RBFOX1: variants seen among roughly 807,000 people sequenced by gnomAD.
RBFOX1 encodes RNA binding protein fox-1 homolog 1.
Under a neutral mutation model 57.7 loss-of-function variants are expected in RBFOX1, and 8 were observed. The observed-to-expected ratio is 0.14, with a 90% CI of 0.08 to 0.25. RBFOX1 has a LOEUF of 0.25. Ranked by LOEUF, RBFOX1 falls within the 10% of genes least tolerant of loss-of-function variation. The pLI is 1.00. For missense variants in RBFOX1, 611 were observed against 548.5 expected, an observed-to-expected ratio of 1.11 and a Z score of -1.14; for synonymous variants, 326 against 222.4, an observed-to-expected ratio of 1.47 and a Z score of -4.15.
At chr16:6,608,840 C>G (rs975613148) in intron 2 of RBFOX1, among the ~76,000 whole-genome samples, 1 of 152,252 alleles carries the variant, frequency 6.6e-6, no homozygotes, top group Non-Finnish European at 1.5e-5. Flanking sequence ...GTGTGTCTCA[C>G]TGGACTAAAA....
At chr16:5,867,150 ATGTGTGTG>A (rs113977862) in intron 3 of RBFOX1, among the ~76,000 whole-genome samples, 18 of 149,212 alleles carry the variant, frequency 1.2e-4, no homozygotes, top group Admixed American at 6.7e-5. Flanking sequence ...AAGAAAATGC[ATGTGTGTG>A]TGTGTGTGTG....
intron 4 of RBFOX1, among the ~76,000 whole-genome samples, chr16:5,904,857 G>A (rs1312401437): frequency 6.6e-6 from 1 of 150,784 alleles, no homozygotes; most frequent in Non-Finnish European, 1.5e-5. Context: ...GGCGCCTGTA[G>A]TCCCAGCTAC....
intron 4 of RBFOX1, among the ~76,000 whole-genome samples, chr16:7,460,322 T>TGGTATTTC (rs1252161165): frequency 6.8e-6 from 1 of 147,794 alleles, no homozygotes; most frequent in Non-Finnish European, 1.5e-5. Context: ...CACAGACTTC[T>TGGTATTTC]GGTATTTCAT....
At chr16:5,906,159 AG>A (rs2058449979) in intron 4 of RBFOX1, among the ~76,000 whole-genome samples, 1 of 152,144 alleles carries the variant, frequency 6.6e-6, no homozygotes, top group Non-Finnish European at 1.5e-5. Context: ...TGCCTCCCCC[AG>A]ACTGGTGAAG....
intron 4 of RBFOX1, among the ~76,000 whole-genome samples, chr16:5,988,841 G>A (rs1173547902): frequency 1.3e-5 from 2 of 152,060 alleles, no homozygotes; most frequent in East Asian, 3.9e-4. Flanking sequence ...CCAAGACTCA[G>A]AGAGTATGAA....
chr16:7,033,381 G>A (rs1322614656), intron 3 of RBFOX1, among the ~76,000 whole-genome samples: 3 of 152,156 alleles, frequency 2.0e-5, no homozygotes, highest in Non-Finnish European at 4.4e-5. Flanking sequence ...TTAGCCAGAT[G>A]TGATGGCACA....
At chr16:6,153,822 C>T (rs1311201257) in intron 1 of RBFOX1, among the ~76,000 whole-genome samples, 4 of 152,200 alleles carry the variant, frequency 2.6e-5, no homozygotes, top group African/African-American at 7.2e-5. Context: ...AGGTGTGAGC[C>T]ACCATGCCCG....
At chr16:7,036,434 G>A (rs2044449294) in intron 3 of RBFOX1, among the ~76,000 whole-genome samples, 1 of 151,930 alleles carries the variant, frequency 6.6e-6, no homozygotes, top group African/African-American at 2.4e-5. Context: ...AGGGCGGCCG[G>A]GCGTGGTGGC....
chr16:6,895,564 G>A (rs1466027372), intron 3 of RBFOX1, among the ~76,000 whole-genome samples: 1 of 149,506 alleles, frequency 6.7e-6, no homozygotes, highest in African/African-American at 2.5e-5. Flanking sequence ...TTGATGAGAG[G>A]AAGGATCTAT....
intron 1 of RBFOX1, among the ~76,000 whole-genome samples, chr16:6,173,246 A>T (rs1279354710): frequency 6.6e-6 from 1 of 152,154 alleles, no homozygotes; most frequent in Non-Finnish European, 1.5e-5. Flanking sequence ...TGTTCTGTGT[A>T]CTATGACTGC....
intron 4 of RBFOX1, among the ~76,000 whole-genome samples, chr16:7,302,100 C>G (rs927829641): frequency 6.6e-6 from 1 of 152,068 alleles, no homozygotes; most frequent in South Asian, 2.1e-4. Context: ...TTTCCCACTC[C>G]CCTGGATGAA....
intron 3 of RBFOX1, among the ~76,000 whole-genome samples, chr16:5,670,712 G>C (rs931163619): frequency 6.6e-6 from 1 of 152,216 alleles, no homozygotes; most frequent in Non-Finnish European, 1.5e-5. Context: ...TAGTTCAACT[G>C]TTAGAGTTTA....
intron 3 of RBFOX1, among the ~76,000 whole-genome samples, chr16:6,760,763 A>C (rs965622631): frequency 6.6e-6 from 1 of 152,234 alleles, no homozygotes; most frequent in Non-Finnish European, 1.5e-5. Context: ...TGCAAGATGC[A>C]GAGATGAGCA....
chr16:6,897,204 C>G (rs570037927), intron 3 of RBFOX1, among the ~76,000 whole-genome samples: 1 of 152,160 alleles, frequency 6.6e-6, no homozygotes, highest in African/African-American at 2.4e-5. Context: ...TTTCCAGAAC[C>G]CTACTTCATA....
At position 5,924,416 on chromosome 16, in the gene RBFOX1, T is replaced by A. The variant is rs551721746; in HGVS notation, c.351+57081T>A. Among the ~76,000 whole-genome samples, 241 of 152,290 alleles carry A rather than the reference T, an allele frequency of 1.6e-3. 2 individuals carry two copies. Among genetic ancestry groups the A allele is most frequent in the Non-Finnish European group, 2.8e-3 (190 of 68,020 alleles). On this transcript the variant is annotated intron_variant, in intron 4 of 19. Transcript: ENST00000641259. ...GAGGGCTGATCCCTCATGAATAGAT[T>A]AATGTCCTCCCTGGCAGGGGAATGC...
At chr16:6,474,045 G>A (rs969387330) in intron 2 of RBFOX1, among the ~76,000 whole-genome samples, 3 of 152,050 alleles carry the variant, frequency 2.0e-5, no homozygotes, top group Non-Finnish European at 2.9e-5. Flanking sequence ...ACAATAAGCT[G>A]GTTTCCTGGG....
At chr16:5,586,602 A>G (rs60597965) in intron 2 of RBFOX1, among the ~76,000 whole-genome samples, 7,826 of 152,256 alleles carry the variant, frequency 0.051, 686 homozygotes, top group African/African-American at 0.18. Flanking sequence ...GGCTCAAGCA[A>G]TCTCCCCATT....
At chr16:5,546,715 G>A (rs1370206483) in intron 2 of RBFOX1, among the ~76,000 whole-genome samples, 1 of 152,124 alleles carries the variant, frequency 6.6e-6, no homozygotes, top group Admixed American at 6.6e-5. Context: ...TCTTAGATAT[G>A]TTGCCAAAAA....
Position 7,058,849 on chromosome 16 carries a change from G to A in RBFOX1, c.27+6751G>A, listed in dbSNP as rs8061899. 6.6e-3 allele frequency among the ~76,000 whole-genome samples: 1,001 copies of A among 152,122 alleles called. 11 individuals carry two copies. Among genetic ancestry groups the A allele is most frequent in the African/African-American group, 0.023 (945 of 41,480 alleles). The stretch of plus-strand genomic sequence containing the variant: ...TTCCACTTATTTAAGTTAAAAATGG[G>A]TTGCTTTAAAGATAAATATTAACTT... On this transcript the variant is annotated intron_variant, in intron 4 of 15. Transcript: ENST00000550418.
Sources: allele counts gnomAD v4.1 joint callset (sites outside exome capture counted in the v4.1 genomes callset), GRCh38; gene constraint gnomAD v4.1.1; transcripts MANE v1.5; gene names NCBI Gene and HGNC (gene_info 2026-07-23, HGNC 2026-07-21).